The following HMGA2 variants were observed in gnomAD, a reference collection of about 807,000 sequenced individuals.
The protein encoded by HMGA2 is high mobility group AT-hook 2.
Under a neutral mutation model 19.1 loss-of-function variants are expected in HMGA2, and 8 were observed. The ratio of observed to expected loss-of-function variants is 0.42; its 90% CI spans 0.25 to 0.76. HMGA2 has a LOEUF of 0.76. Among genes scored for constraint, HMGA2 ranks in the 30% least tolerant of loss-of-function variants. HMGA2 has a pLI of 0.28. For synonymous variants in HMGA2, 60 were observed against 48.8 expected, an observed-to-expected ratio of 1.23 and a Z score of -0.96; for missense variants, 109 against 136.3, an observed-to-expected ratio of 0.80 and a Z score of 1.00.
chr12:65,824,507 C>G lies in HMGA2; in HGVS notation c.-764C>G, dbSNP rs1205112856. ...CAGAAAACTTCCAGCCCGGGCAGCG[C>G]GCGCTTGGTGCAAGACTCAGGAGCT... On this transcript the variant is annotated 5_prime_UTR_variant, in exon 1 of 5. Transcript: ENST00000403681. 1.7e-5 allele frequency: 4 copies of G among 233,270 alleles called. No individual in the cohort carries two copies. The highest frequency in any genetic ancestry group is 3.4e-5 in the Non-Finnish European group (4 of 118,548). 14.5% of individuals were successfully genotyped at this position (233,270 alleles called of 1,614,324 possible).
At chr12:65,869,332 A>G (rs1400959769) in intron 3 of HMGA2, among the ~76,000 whole-genome samples, 1 of 152,230 alleles carries the variant, frequency 6.6e-6, no homozygotes, top group Non-Finnish European at 1.5e-5. Flanking sequence ...CCATGGTTGT[A>G]TTTCAGGAAC....
At chr12:65,936,548 A>G (rs1875902679) in intron 3 of HMGA2, among the ~76,000 whole-genome samples, 1 of 152,192 alleles carries the variant, frequency 6.6e-6, no homozygotes, top group South Asian at 2.1e-4. Context: ...GATAATACAG[A>G]GAGACCTGTA....
intron 3 of HMGA2, among the ~76,000 whole-genome samples, chr12:65,919,008 A>G (rs1351771404): frequency 6.6e-6 from 1 of 152,180 alleles, no homozygotes; most frequent in Admixed American, 6.5e-5. Flanking sequence ...TAAATCTCTC[A>G]GCAGGATGAA....
intron 3 of HMGA2, among the ~76,000 whole-genome samples, chr12:65,878,536 T>C (rs1177927937): frequency 6.6e-6 from 1 of 152,270 alleles, no homozygotes; most frequent in Non-Finnish European, 1.5e-5. Flanking sequence ...TCTAAATATG[T>C]GTATTGCCAT....
chr12:65,839,474 AT>A (rs142130904), intron 3 of HMGA2, among the ~76,000 whole-genome samples: 91 of 149,334 alleles, frequency 6.1e-4, no homozygotes, highest in African/African-American at 1.2e-3. Flanking sequence ...TTTTAAAAAG[AT>A]TTTTTTTTTC....
chr12:65,893,272 A>G (rs1873990798), intron 3 of HMGA2, among the ~76,000 whole-genome samples: 1 of 152,216 alleles, frequency 6.6e-6, no homozygotes, highest in Non-Finnish European at 1.5e-5. Flanking sequence ...TCCTCACCCC[A>G]GTGTGGTCAC....
rs570429462 is a variant in HMGA2, at chr12:65,867,034, A to G, written c.249+28465A>G. 9.1e-6 allele frequency: 4 copies of G among 441,636 alleles called. No individual in the cohort carries two copies. In the East Asian group the frequency reaches 2.1e-4, roughly 23 times the overall value. 27.4% of individuals were successfully genotyped at this position (441,636 alleles called of 1,614,324 possible). ...TAGTTTCTAAACACTGCAGAAGAAC[A>G]AAGTAGAGAAGAAAGAGGAGAGTGT... On this transcript the variant is annotated intron_variant, in intron 3 of 4. Transcript: ENST00000403681.
At chr12:65,889,083 T>C (rs992060986) in intron 3 of HMGA2, among the ~76,000 whole-genome samples, 1 of 152,180 alleles carries the variant, frequency 6.6e-6, no homozygotes, top group Non-Finnish European at 1.5e-5. Context: ...CCACAAAAAA[T>C]ACCCAAAGTC....
intron 3 of HMGA2, chr12:65,915,143 G>A (rs1219593592): frequency 1.2e-6 from 2 of 1,613,450 alleles, no homozygotes; most frequent in Non-Finnish European, 1.7e-6. Flanking sequence ...TGTCATTGGA[G>A]GAGTCCAGGA....
At chr12:65,935,407 T>A (rs1433768674) in intron 3 of HMGA2, among the ~76,000 whole-genome samples, 1 of 152,190 alleles carries the variant, frequency 6.6e-6, no homozygotes, top group African/African-American at 2.4e-5. Context: ...ATTTGTTGAG[T>A]AAATGACATC....
Position 65,934,403 on chromosome 12 carries a change from TAGG to T in HMGA2, c.250-16977_250-16975del, listed in dbSNP as rs541291540. Among the ~76,000 whole-genome samples, 15 of 152,314 alleles carry T rather than the reference TAGG, an allele frequency of 9.8e-5. No individual in the cohort carries two copies. In the East Asian group the frequency reaches 2.7e-3, roughly 27 times the overall value. On this transcript the variant is annotated intron_variant, in intron 3 of 4. Coordinates refer to ENST00000403681, the MANE Select transcript of HMGA2 (RefSeq NM_003483.6). ...ATGCTTTGGTCTTTTTCCTTTTCAT[TAGG>T]AGAATACTGGAATTCATGCTGTAGA...
chr12:65,884,256 A>G (rs187590958), intron 3 of HMGA2, among the ~76,000 whole-genome samples: 90 of 152,338 alleles, frequency 5.9e-4, no homozygotes, highest in African/African-American at 2.0e-3. Flanking sequence ...GAGCAGTTAC[A>G]TGATATTTGA....
intron 3 of HMGA2, chr12:65,866,832 T>C (rs1872442111): frequency 2.2e-6 from 1 of 457,242 alleles, no homozygotes; most frequent in African/African-American, 2.0e-5. Context: ...GTACCAAGAT[T>C]GCTTGCCATT....
intron 3 of HMGA2, among the ~76,000 whole-genome samples, chr12:65,906,148 C>T (rs1011008609): frequency 3.3e-5 from 5 of 152,176 alleles, no homozygotes; most frequent in African/African-American, 1.2e-4. Context: ...TCTTTGAAGT[C>T]CTAATTCTCT....
intron 3 of HMGA2, among the ~76,000 whole-genome samples, chr12:65,925,068 T>A (rs1179249160): frequency 1.3e-5 from 2 of 152,200 alleles, no homozygotes; most frequent in Non-Finnish European, 2.9e-5. Flanking sequence ...CCATCTACTG[T>A]CTTTTATTAA....
At chr12:65,873,422 A>AC (rs1872808980) in intron 3 of HMGA2, among the ~76,000 whole-genome samples, 2 of 152,290 alleles carry the variant, frequency 1.3e-5, no homozygotes, top group South Asian at 4.1e-4. Flanking sequence ...ATCTAGGCTA[A>AC]GTGTAGATGG....
intron 4 of HMGA2, chr12:65,955,637 G>C (rs1876584449): frequency 6.6e-6 from 1 of 152,132 alleles, no homozygotes. Context: ...CGATGCCTCT[G>C]GCAATTAGGA....
intron 3 of HMGA2, among the ~76,000 whole-genome samples, chr12:65,839,660 T>C (rs1870908699): frequency 6.6e-6 from 1 of 152,210 alleles, no homozygotes; most frequent in African/African-American, 2.4e-5. Flanking sequence ...GGATGATCTT[T>C]AGATGAAAAA....
chr12:65,845,930 T>C (rs888933064), intron 3 of HMGA2, among the ~76,000 whole-genome samples: 2 of 152,194 alleles, frequency 1.3e-5, no homozygotes, highest in Non-Finnish European at 2.9e-5. Context: ...TTTGCTTTGT[T>C]TTCTCTCCTC....
Sources: allele counts gnomAD v4.1 joint callset (sites outside exome capture counted in the v4.1 genomes callset), GRCh38; gene constraint gnomAD v4.1.1; transcripts MANE v1.5; gene names NCBI Gene and HGNC (gene_info 2026-07-23, HGNC 2026-07-21).